Variants in ARHGEF19 observed in about 807,000 individuals in gnomAD.
ARHGEF19 encodes the protein Rho guanine nucleotide exchange factor 19.
In ARHGEF19, 92 loss-of-function variants were observed where a neutral mutation model predicts 87.6. The ratio of observed to expected loss-of-function variants is 1.05; its 90% CI spans 0.89 to 1.25. The LOEUF is 1.25. ARHGEF19 is among the 50% of genes most tolerant of loss of function. The pLI, the probability that ARHGEF19 is intolerant of heterozygous loss-of-function variation, is 0.00. For missense variants in ARHGEF19, 1,054 were observed against 1,051.8 expected, an observed-to-expected ratio of 1.00 and a Z score of -0.03; for synonymous variants, 438 against 446.2, an observed-to-expected ratio of 0.98 and a Z score of 0.23.
rs1307548151 is a variant in ARHGEF19 at position 16,208,061 on chromosome 1, G to T, written c.577C>A (p.Arg193=). 16 of 1,613,956 alleles carry T rather than the reference G, an allele frequency of 9.9e-6. No individual in the cohort carries two copies. The highest frequency in any genetic ancestry group is 1.4e-5 in the Non-Finnish European group (16 of 1,180,044). ...AGCTCCGATGCCGAGAAGCGCCTCC[G>T]CTCAGGACCTTCGAGGCTCACTCGG... ...STRVSLEGPE[R]RRFSASELMT... Residue 193 remains arginine (R), a synonymous_variant, in exon 3 of 16, where the codon CGG becomes AGG. Coordinates refer to ENST00000270747, the MANE Select transcript of ARHGEF19 (RefSeq NM_153213.5).
intron 12 of ARHGEF19, 111 bp downstream of exon 12, chr1:16,204,648 G>T: frequency 7.6e-7 from 1 of 1,317,856 alleles, no homozygotes; most frequent in Non-Finnish European, 1.0e-6. Context: ...GCATACCCTG[G>T]CACAGGCAGG....
chr1:16,209,337 A>G (rs1262374217), intron 1 of ARHGEF19, among the ~76,000 whole-genome samples: 1 of 152,158 alleles, frequency 6.6e-6, no homozygotes, highest in Non-Finnish European at 1.5e-5. Flanking sequence ...TATTATCCCC[A>G]TTTTATAGGT....
In ARHGEF19 at chr1:16,199,140, G is replaced by T; in HGVS notation, c.2251+10C>A. The T allele has an allele frequency of 1.2e-6, 2 of 1,613,414 alleles. No homozygotes were observed. The highest frequency in any genetic ancestry group is 1.1e-5 in the South Asian group (1 of 91,056). ...CCCATCAGGGACACTTTCCCAGGAG[G>T]CCCCCTCACCGTCACTGGTCCAGGT... On this transcript the variant is annotated intron_variant, in intron 15 of 15. Coordinates refer to ENST00000270747, the MANE Select transcript of ARHGEF19 (RefSeq NM_153213.5).
rs2081117578 is a variant in ARHGEF19, at chr1:16,205,273, T to G, written c.1656+78A>C. On this transcript the variant is annotated intron_variant, in intron 10 of 15. Coordinates refer to ENST00000270747, the MANE Select transcript of ARHGEF19 (RefSeq NM_153213.5). The surrounding 1 kb of genome is among the most constrained non-coding windows in gnomAD (Gnocchi z 5.8). The stretch of plus-strand genomic sequence containing the variant: ...CCTGGGGACCGGAGACTCTGACAGC[T>G]GGGGGCTGTTTTAGAGACGTGCTGG... 1.2e-6 allele frequency: 2 copies of G among 1,606,292 alleles called. No individual in the cohort carries two copies. Among genetic ancestry groups the G allele is most frequent in the Admixed American group, 3.4e-5 (2 of 59,494 alleles).
intron 2 of ARHGEF19, 133 bp downstream of exon 2, chr1:16,208,510 T>TCACTAATCTACCTTATCACTAA: frequency 8.0e-7 from 1 of 1,249,394 alleles, no homozygotes; most frequent in East Asian, 2.6e-5. Flanking sequence ...GCCCCACTAG[T>TCACTAATCTACCTTATCACTAA]TTCCTTATCA....
At chr1:16,202,315 C>T in intron 13 of ARHGEF19, 101 bp downstream of exon 13, 9 of 1,447,498 alleles carry the variant, frequency 6.2e-6, no homozygotes, top group Non-Finnish European at 8.3e-6. Flanking sequence ...GCCAGGATGT[C>T]CCAGGGGTGC....
chr1:16,205,345 G>T lies in ARHGEF19; in HGVS notation c.1656+6C>A, dbSNP rs1369085016. On this transcript the variant is annotated splice_donor_region_variant and intron_variant, in intron 10 of 15. Transcript: ENST00000270747. The surrounding 1 kb of genome is among the most constrained non-coding windows in gnomAD (Gnocchi z 5.8). ...AGCCAAGCAGCCCCTGCCCTGCCCAGCTCACCTCCTTGAGCGCATTGAAGG... is the reference window on the plus strand; with the variant it reads ...AGCCAAGCAGCCCCTGCCCTGCCCATCTCACCTCCTTGAGCGCATTGAAGG... The T allele has an allele frequency of 6.2e-7, 1 of 1,613,878 alleles. No individual in the cohort carries two copies.
chr1:16,198,014 G>T lies in ARHGEF19; in HGVS notation c.*573C>A, dbSNP rs2081055507. The T allele has an allele frequency of 6.6e-6, 1 of 152,204 alleles. No homozygotes were observed. Among genetic ancestry groups the T allele is most frequent in the Admixed American group, 6.5e-5 (1 of 15,276 alleles). 9.4% of individuals were successfully genotyped at this position (152,204 alleles called of 1,614,324 possible). A position where few individuals can be genotyped will look rare whatever the true frequency, so the allele number is the denominator to read the frequency against. ...TCTAGAGAAATGCAAAGCCCCAGTT[G>T]GGAGCCAGCCGGAGACTCTCCTGGT... On this transcript the variant is annotated 3_prime_UTR_variant, in exon 16 of 16. Coordinates refer to ENST00000270747, the MANE Select transcript of ARHGEF19 (RefSeq NM_153213.5). This position sits in a 1 kb window ranked among gnomAD's most constrained non-coding sequence, Gnocchi z 4.1.
intron 12 of ARHGEF19, 148 bp downstream of exon 12, chr1:16,204,611 G>A: frequency 1.1e-6 from 1 of 918,438 alleles, no homozygotes; most frequent in Non-Finnish European, 1.5e-6. Flanking sequence ...TGCTTCAGGA[G>A]CCTCCAAATC....
chr1:16,205,386 C>T lies in ARHGEF19; in HGVS notation c.1621G>A (p.Asp541Asn), dbSNP rs1272836034. Residue 541 changes from aspartate to asparagine, a missense_variant, in exon 10 of 16, where the codon GAC (aspartate) becomes AAC (asparagine). Physicochemically the swap from Asp to Asn is conservative, Grantham distance 23. Coordinates refer to ENST00000270747, the MANE Select transcript of ARHGEF19 (RefSeq NM_153213.5). This position sits in a 1 kb window ranked among gnomAD's most constrained non-coding sequence, Gnocchi z 5.8. ...KRTAQGSEDE[D>N]MATKAFNALK... ...GCATTGAAGGCCTTGGTGGCCATGT[C>T]TTCGTCTTCAGAGCCCTGTGCTGTC... 1 of 1,613,358 alleles carries T rather than the reference C, an allele frequency of 6.2e-7. No homozygotes were observed. Among genetic ancestry groups the T allele is most frequent in the Non-Finnish European group, 8.5e-7 (1 of 1,179,580 alleles).
Position 16,202,671 on chromosome 1 carries a change from AG to A in ARHGEF19, c.1908-98del, listed in dbSNP as rs2081093995. ...TGGGTTCTGACTGGAAGTGGGGAGA[AG>A]GGGTTGCCTGCCCTGCCAGCGTTCT... On this transcript the variant is annotated intron_variant, in intron 12 of 15. Transcript: ENST00000270747. 5 of 1,482,964 alleles carry A rather than the reference AG, an allele frequency of 3.4e-6. No individual in the cohort carries two copies. In the Admixed American group the frequency reaches 1.0e-4, roughly 30 times the overall value. The allele number at this position is 1,482,964 out of a possible 1,614,324, so 91.9% of individuals were successfully genotyped here.
In ARHGEF19 at chr1:16,208,005, C is replaced by G; in HGVS notation, c.633G>C (p.Leu211=). The G allele has an allele frequency of 1.2e-6, 2 of 1,613,272 alleles. No homozygotes were observed. Among genetic ancestry groups the G allele is most frequent in the Non-Finnish European group, 1.7e-6 (2 of 1,179,956 alleles). The change falls in exon 3 of 16, where the codon CTG becomes CTC. Residue 211 remains leucine (L), a synonymous_variant. Transcript: ENST00000270747. ...LMTRLHSSLR[L]GRNSAARALI... ...GTGCCCGGGCTGCTGAATTCCGCCC[C>G]AGGCGCAGAGAAGAGTGCAGCCGGG...
Position 16,207,991 on chromosome 1 carries a change from G to A in ARHGEF19, c.647C>T (p.Ala216Val). The change falls in exon 3 of 16, where the codon GCA (alanine) becomes GTA (valine). Residue 216 changes from alanine (A) to valine (V), a missense_variant. By Grantham distance (64) the Ala-to-Val change is moderately conservative. Transcript: ENST00000270747. This position sits in a 1 kb window ranked among gnomAD's most constrained non-coding sequence, Gnocchi z 4.0. Reference protein sequence around the residue: ...HSSLRLGRNSAARALISGSGT... With the variant: ...HSSLRLGRNSVARALISGSGT... ...TGACCCAGAGATGAGTGCCCGGGCT[G>A]CTGAATTCCGCCCCAGGCGCAGAGA... 6.2e-7 allele frequency: 1 copy of A among 1,612,732 alleles called. No homozygotes were observed. The highest frequency in any genetic ancestry group is 8.5e-7 in the Non-Finnish European group (1 of 1,179,916).
At position 16,207,489 on chromosome 1, in the gene ARHGEF19, T is replaced by A; in HGVS notation, c.874+33A>T. On this transcript the variant is annotated intron_variant, in intron 5 of 15. Coordinates refer to ENST00000270747, the MANE Select transcript of ARHGEF19 (RefSeq NM_153213.5). The surrounding 1 kb of genome is among the most constrained non-coding windows in gnomAD (Gnocchi z 4.0). ...TTCCACACCGCAGCCCCTTCCTCCGTTACCTCCTCCCAGGGACCCCCCTCC... is the reference window on the plus strand; with the variant it reads ...TTCCACACCGCAGCCCCTTCCTCCGATACCTCCTCCCAGGGACCCCCCTCC... 1 of 1,611,434 alleles carries A rather than the reference T, an allele frequency of 6.2e-7. No individual in the cohort carries two copies. Among genetic ancestry groups the A allele is most frequent in the South Asian group, 1.1e-5 (1 of 90,986 alleles).
At position 16,204,846 on chromosome 1, in the gene ARHGEF19, G is replaced by A. The variant is rs2081112016; in HGVS notation, c.1820C>T (p.Ala607Val). 6.2e-7 allele frequency: 1 copy of A among 1,605,482 alleles called. No homozygotes were observed. Among genetic ancestry groups the A allele is most frequent in the Non-Finnish European group, 8.5e-7 (1 of 1,176,190 alleles). ...CAGCTTCAGCTTGGCAGGGGGTGCT[G>A]CAGGCAGTGGTGCCAGCTCTACCAA... is the stretch of plus-strand genomic sequence containing the variant. ...GELVELAPLP[A>V]APPAKLKLSS... The change falls in exon 12 of 16, where the codon GCA (alanine) becomes GTA (valine). Residue 607 changes from alanine to valine, a missense_variant. Transcript: ENST00000270747.
chr1:16,209,183 T>C, intron 1 of ARHGEF19, 100 bp from the exon 2 acceptor site: 1 of 780,652 alleles, frequency 1.3e-6, no homozygotes, highest in East Asian at 3.3e-5. Context: ...TACACTTGTG[T>C]ACACACATCT....
Position 16,206,181 on chromosome 1 carries a change from T to A in ARHGEF19, c.1297A>T (p.Arg433Trp). The A allele has an allele frequency of 6.3e-7, 1 of 1,593,380 alleles. No homozygotes were observed. Among genetic ancestry groups the A allele is most frequent in the Non-Finnish European group, 8.6e-7 (1 of 1,168,152 alleles). ...GGCCAGGCCAGACCACTTCTTCACC[T>A]CTCGCTGGTGCTCTTGACCTCGGGC... Reference protein sequence around the residue: ...KLPEVKSTSERFLQDLEQRLE... With the variant: ...KLPEVKSTSEWFLQDLEQRLE... The change falls in exon 7 of 16, where the codon AGG becomes TGG. Residue 433 changes from arginine to tryptophan, a missense_variant and splice_region_variant. Physicochemically the swap from Arg to Trp is moderately radical, Grantham distance 101. Coordinates refer to ENST00000270747, the MANE Select transcript of ARHGEF19 (RefSeq NM_153213.5). The surrounding 1 kb of genome is among the most constrained non-coding windows in gnomAD (Gnocchi z 4.6).
At position 16,197,864 on chromosome 1, in the gene ARHGEF19, A is replaced by G. The variant is rs918080268; in HGVS notation, c.*723T>C. On this transcript the variant is annotated 3_prime_UTR_variant, in exon 16 of 16. Transcript: ENST00000270747. ...GCCACAGGAAACAAATAAAGAACTA[A>G]TCAAATCTCTTTAATGTTTAAGCCT... 6.6e-6 allele frequency: 1 copy of G among 152,232 alleles called. No homozygotes were observed. Among genetic ancestry groups the G allele is most frequent in the African/African-American group, 2.4e-5 (1 of 41,448 alleles). 9.4% of individuals were successfully genotyped at this position (152,232 alleles called of 1,614,324 possible).
Position 16,206,928 on chromosome 1 carries a change from G to T in ARHGEF19, c.1137+20C>A. 1 of 1,250,658 alleles carries T rather than the reference G, an allele frequency of 8.0e-7. No individual in the cohort carries two copies. The highest frequency in any genetic ancestry group is 1.0e-6 in the Non-Finnish European group (1 of 990,146). The allele number at this position is 1,250,658 out of a possible 1,614,324, so 77.5% of individuals were successfully genotyped here. On this transcript the variant is annotated intron_variant, in intron 6 of 15. Transcript: ENST00000270747. The surrounding 1 kb of genome is among the most constrained non-coding windows in gnomAD (Gnocchi z 4.6). ...CTCCCCGGCCCGCCCCCGCCCCGCC[G>T]GGTCCCCGCGCGCGCCCACCTCCTG...
Sources: allele counts gnomAD v4.1 joint callset (sites outside exome capture counted in the v4.1 genomes callset), GRCh38; gene constraint gnomAD v4.1.1; non-coding constraint Gnocchi (gnomAD v3.1); transcripts MANE v1.5; gene names NCBI Gene and HGNC (gene_info 2026-07-23, HGNC 2026-07-21).